Variants in SPOCK1 observed in about 807,000 individuals in gnomAD.
SPOCK1 encodes the protein SPARC (osteonectin), cwcv and kazal like domains proteoglycan 1, also known as testican-1.
Under a neutral mutation model 55.3 loss-of-function variants are expected in SPOCK1, and 23 were observed. That is an observed-to-expected ratio of 0.42 (90% confidence interval 0.30 to 0.59). The LOEUF is 0.59. Ranked by LOEUF, SPOCK1 falls within the 20% of genes least tolerant of loss-of-function variation. The pLI, the probability that SPOCK1 is intolerant of heterozygous loss-of-function variation, is 0.22. For missense variants in SPOCK1, 499 were observed against 552.5 expected, an observed-to-expected ratio of 0.90 and a Z score of 0.97; for synonymous variants, 226 against 221.0, an observed-to-expected ratio of 1.02 and a Z score of -0.20.
At chr5:137,482,632 G>A (rs1210757928) in intron 2 of SPOCK1, among the ~76,000 whole-genome samples, 1 of 152,172 alleles carries the variant, frequency 6.6e-6, no homozygotes, top group Non-Finnish European at 1.5e-5. Flanking sequence ...ATGTGGTACT[G>A]GCTGTCACTG....
intron 2 of SPOCK1, among the ~76,000 whole-genome samples, chr5:137,338,420 G>C (rs1177348952): frequency 6.6e-6 from 1 of 152,008 alleles, no homozygotes; most frequent in East Asian, 1.9e-4. Context: ...GTCTATCATT[G>C]ATGGACATTT....
intron 6 of SPOCK1, among the ~76,000 whole-genome samples, chr5:137,064,178 A>G (rs1445908723): frequency 6.6e-6 from 1 of 152,168 alleles, no homozygotes; most frequent in Non-Finnish European, 1.5e-5. Context: ...AAAGAAAAAG[A>G]AAACACCAGG....
intron 2 of SPOCK1, among the ~76,000 whole-genome samples, chr5:137,344,169 A>G (rs924789484): frequency 2.0e-5 from 3 of 152,244 alleles, no homozygotes; most frequent in African/African-American, 7.2e-5. Context: ...GATCCCTCCC[A>G]AGAGGCTCCC....
rs1758098178 is a variant in SPOCK1 at position 137,327,283 on chromosome 5, T to C, written c.187-60228A>G. 3.9e-5 allele frequency among the ~76,000 whole-genome samples: 6 copies of C among 152,234 alleles called. No individual in the cohort carries two copies. In the South Asian group the frequency reaches 1.2e-3, roughly 31 times the overall value. On this transcript the variant is annotated intron_variant, in intron 2 of 10. Coordinates refer to ENST00000394945, the MANE Select transcript of SPOCK1 (RefSeq NM_004598.4). Reference sequence around the variant, plus strand: ...TAAGTGCCAGCTGTAGTTATTATCATTGGGTATATCCCAATAATGAAAACT... The same window carrying C: ...TAAGTGCCAGCTGTAGTTATTATCACTGGGTATATCCCAATAATGAAAACT...
chr5:137,143,400 C>A (rs1175590397), intron 3 of SPOCK1, among the ~76,000 whole-genome samples: 2 of 152,192 alleles, frequency 1.3e-5, no homozygotes, highest in Non-Finnish European at 2.9e-5. Context: ...CATGAATCAG[C>A]TGAGCAGATC....
In SPOCK1 at chr5:137,069,060, T is replaced by C. The variant is rs946577494; in HGVS notation, c.475-1231A>G. ...AAAAGAGGAGATACAGTCCTTGCCC[T>C]TGGAAAACACAAATGCATACCTTTG... On this transcript the variant is annotated intron_variant, in intron 5 of 10. Transcript: ENST00000394945. 2.0e-5 allele frequency among the ~76,000 whole-genome samples: 3 copies of C among 152,226 alleles called. No homozygotes were observed. The South Asian group carries it at 6.2e-4, about 32-fold the overall frequency.
chr5:137,053,957 G>A (rs1038594224), intron 6 of SPOCK1, among the ~76,000 whole-genome samples: 1 of 152,142 alleles, frequency 6.6e-6, no homozygotes, highest in Non-Finnish European at 1.5e-5. Flanking sequence ...ACAACTAACA[G>A]TGTCTCTGCT....
intron 6 of SPOCK1, among the ~76,000 whole-genome samples, chr5:137,004,592 C>T: frequency 6.6e-6 from 1 of 152,206 alleles, no homozygotes; most frequent in South Asian, 2.1e-4. Flanking sequence ...TATATTTGAT[C>T]TACATTTCCT....
intron 5 of SPOCK1, among the ~76,000 whole-genome samples, chr5:137,080,846 G>A (rs2127013653): frequency 6.6e-6 from 1 of 152,296 alleles, no homozygotes; most frequent in South Asian, 2.1e-4. Flanking sequence ...AGAAGGCACG[G>A]GTGAGATGAC....
intron 6 of SPOCK1, among the ~76,000 whole-genome samples, chr5:137,066,087 T>G (rs1295911154): frequency 6.6e-6 from 1 of 152,212 alleles, no homozygotes; most frequent in East Asian, 1.9e-4. Context: ...TAAGGAGAGA[T>G]GCATTCACCC....
intron 6 of SPOCK1, among the ~76,000 whole-genome samples, chr5:137,046,349 G>A (rs1752105666): frequency 6.8e-6 from 1 of 146,096 alleles, no homozygotes; most frequent in Admixed American, 6.8e-5. Context: ...TCTCCTTGAA[G>A]AGGTCCTTCA....
At chr5:137,009,373 A>G (rs1751308927) in intron 6 of SPOCK1, among the ~76,000 whole-genome samples, 1 of 152,244 alleles carries the variant, frequency 6.6e-6, no homozygotes, top group Admixed American at 6.5e-5. Flanking sequence ...TGGAAAAACT[A>G]TAAAGCTACT....
intron 3 of SPOCK1, among the ~76,000 whole-genome samples, chr5:137,169,955 T>C (rs1754718133): frequency 1.3e-5 from 2 of 152,180 alleles, no homozygotes; most frequent in African/African-American, 4.8e-5. Context: ...CTCACTTAAG[T>C]ATCTCAAAAT....
chr5:137,393,100 C>T (rs1037643509), intron 2 of SPOCK1, among the ~76,000 whole-genome samples: 9 of 152,152 alleles, frequency 5.9e-5, no homozygotes, highest in African/African-American at 1.9e-4. Context: ...CATCTATAGA[C>T]ACATGATAGA....
At chr5:137,026,138 A>G (rs1751670138) in intron 6 of SPOCK1, among the ~76,000 whole-genome samples, 1 of 152,248 alleles carries the variant, frequency 6.6e-6, no homozygotes, top group Non-Finnish European at 1.5e-5. Flanking sequence ...GGCTAGAGAA[A>G]GAACCAGACA....
At chr5:137,076,607 T>TAAAAAAAAAAAAAAAA (rs35285273) in intron 5 of SPOCK1, among the ~76,000 whole-genome samples, 1 of 112,670 alleles carries the variant, frequency 8.9e-6, no homozygotes, top group Non-Finnish European at 1.9e-5. Flanking sequence ...GGACTGAAAG[T>TAAAAAAAAAAAAAAAA]AAAAAAAAAA....
At chr5:137,221,310 A>G (rs777122205) in intron 3 of SPOCK1, among the ~76,000 whole-genome samples, 12 of 152,226 alleles carry the variant, frequency 7.9e-5, no homozygotes, top group Non-Finnish European at 1.2e-4. Context: ...GTCCAGGCCC[A>G]TTTCAGAAAC....
At chr5:137,010,158 A>C (rs1441982300) in intron 6 of SPOCK1, among the ~76,000 whole-genome samples, 1 of 152,120 alleles carries the variant, frequency 6.6e-6, no homozygotes, top group African/African-American at 2.4e-5. Context: ...CAGATGCAGT[A>C]AGAATTCTGC....
At chr5:137,257,762 G>A (rs1023482535) in intron 3 of SPOCK1, among the ~76,000 whole-genome samples, 2 of 152,086 alleles carry the variant, frequency 1.3e-5, no homozygotes, top group African/African-American at 4.8e-5. Context: ...CCTCTTCTAG[G>A]ATCCTTTTCC....
Sources: gnomAD v4.1 joint callset for allele counts (sites outside exome capture counted in the v4.1 genomes callset) on GRCh38, gnomAD v4.1.1 for gene constraint, MANE v1.5 for transcripts, NCBI Gene and HGNC (gene_info 2026-07-23, HGNC 2026-07-21) for gene names.